Variants in BECN1 observed in about 807,000 individuals in gnomAD.
The protein encoded by BECN1 is beclin 1.
A neutral mutation model predicts 60.1 loss-of-function variants in BECN1; 15 were observed. The observed-to-expected ratio is 0.25, with a 90% CI of 0.17 to 0.38. BECN1 has a LOEUF of 0.38. BECN1 is among the 10% of genes least tolerant of loss of function. The pLI is 1.00. For missense variants in BECN1, 424 were observed against 548.2 expected (o/e 0.77, Z 2.26); for synonymous variants, 179 against 201.8 (o/e 0.89, Z 0.96).
chr17:42,820,623 G>T, intron 3 of BECN1, 151 bp downstream of exon 3: 1 of 663,964 alleles, frequency 1.5e-6, no homozygotes, highest in Non-Finnish European at 2.6e-6. Flanking sequence ...CATGTAGAAT[G>T]TCTCATTACC....
At position 42,823,894 on chromosome 17, in the gene BECN1, A is replaced by G; in HGVS notation, c.-2-15T>C. 6.2e-7 allele frequency: 1 copy of G among 1,611,740 alleles called. No individual in the cohort carries two copies. The highest frequency in any genetic ancestry group is 8.5e-7 in the Non-Finnish European group (1 of 1,178,294). Reference sequence around the variant, plus strand: ...CCCTTCCATCCCTGAGGCCGTGGAAAAGAGGCAACATTAGGGAGAAGCGAC... The same window carrying G: ...CCCTTCCATCCCTGAGGCCGTGGAAGAGAGGCAACATTAGGGAGAAGCGAC... On this transcript the variant is annotated splice_polypyrimidine_tract_variant and intron_variant, in intron 1 of 11. Transcript: ENST00000590099.
At chr17:42,813,743 C>A in intron 10 of BECN1, 1 of 446,658 alleles carries the variant, frequency 2.2e-6, no homozygotes, top group Non-Finnish European at 4.0e-6. Context: ...GCCCATATCC[C>A]TTCTCAACAG....
intron 4 of BECN1, 68 bp downstream of exon 4, chr17:42,819,480 G>A (rs574918578): frequency 1.4e-4 from 212 of 1,549,722 alleles, no homozygotes; most frequent in South Asian, 1.8e-4. Flanking sequence ...TCCAGGTCTC[G>A]ATTCCTGGAT....
chr17:42,814,461 C>T (rs1486679556), intron 9 of BECN1, 63 bp downstream of exon 9: 9 of 1,598,192 alleles, frequency 5.6e-6, no homozygotes, highest in African/African-American at 2.7e-5. Flanking sequence ...ACAGCAGTAC[C>T]AGGTTGGAGA....
Position 42,811,674 on chromosome 17 carries a change from G to A in BECN1, c.1165C>T (p.Arg389Cys), listed in dbSNP as rs1312667287. The change falls in exon 11 of 12, where the codon CGT (arginine) becomes TGT (cysteine). Residue 389 changes from arginine (R) to cysteine (C), a missense_variant. Arg to Cys is a radical substitution (Grantham distance 180). Around this residue, in one of 3 missense-constraint regions of BECN1, gnomAD observed 326 missense variants for 406.2 expected, o/e 0.80. Coordinates refer to ENST00000590099, the MANE Select transcript of BECN1 (RefSeq NM_001313998.2). Reference protein sequence around the residue: ...FKEEVEKGETRFCLPYRMDVE... With the variant: ...FKEEVEKGETCFCLPYRMDVE... ...ACTGACCTGTAGGGAAGACAAAAAC[G>A]TGTCTCGCCTTTCTCAACCTCTTCT... is the stretch of plus-strand genomic sequence containing the variant. 6.8e-6 allele frequency: 11 copies of A among 1,613,938 alleles called. No homozygotes were observed. Among genetic ancestry groups the A allele is most frequent in the Non-Finnish European group, 9.3e-6 (11 of 1,179,986 alleles).
intron 11 of BECN1, chr17:42,811,240 G>T: frequency 3.3e-6 from 1 of 307,016 alleles, no homozygotes; most frequent in Non-Finnish European, 5.9e-6. Flanking sequence ...GGGGGAGAAA[G>T]GAGGCAGAAG....
At position 42,810,623 on chromosome 17, in the gene BECN1, G is replaced by A; in HGVS notation, c.*137C>T. The stretch of plus-strand genomic sequence containing the variant: ...CTGTCACATGATATTTTAAAATAAA[G>A]TGGCTTTTGTGGATTTTTTCTTTTT... On this transcript the variant is annotated 3_prime_UTR_variant, in exon 12 of 12. Transcript: ENST00000590099. The A allele has an allele frequency of 1.1e-6, 1 of 872,924 alleles. No homozygotes were observed. The highest frequency in any genetic ancestry group is 3.5e-5 in the Admixed American group (1 of 28,606). The allele number at this position is 872,924 out of a possible 1,614,324, so 54.1% of individuals were successfully genotyped here.
At chr17:42,819,112 G>A in intron 4 of BECN1, 1 of 547,946 alleles carries the variant, frequency 1.8e-6, no homozygotes, top group South Asian at 2.7e-5. Context: ...GAGGGAGAGG[G>A]AGCATAAAAA....
At chr17:42,820,034 C>G (rs1339928222) in intron 3 of BECN1, among the ~76,000 whole-genome samples, 1 of 152,134 alleles carries the variant, frequency 6.6e-6, no homozygotes, top group Non-Finnish European at 1.5e-5. Flanking sequence ...TCATATGTGA[C>G]CAAAATCTCA....
chr17:42,823,609 CAG>C lies in BECN1; in HGVS notation c.130+137_130+138del, dbSNP rs2055319749. 3 of 1,245,014 alleles carry C rather than the reference CAG, an allele frequency of 2.4e-6. No homozygotes were observed. The South Asian group carries it at 4.6e-5, about 19-fold the overall frequency. The allele number at this position is 1,245,014 out of a possible 1,614,324, so 77.1% of individuals were successfully genotyped here. A position where few individuals can be genotyped will look rare whatever the true frequency, so the allele number is the denominator to read the frequency against. On this transcript the variant is annotated intron_variant, in intron 2 of 11. Transcript: ENST00000590099. Reference sequence around the variant, plus strand: ...ATGCTTTATGTTTCCAAGGAGAAAACAGGGAGCCAGATGAAGTGACTTTCCTA... The same window carrying C: ...ATGCTTTATGTTTCCAAGGAGAAAACGGAGCCAGATGAAGTGACTTTCCTA...
rs568557711 is a variant in BECN1, at chr17:42,811,585, T to C, written c.1184+70A>G. 96 of 1,548,578 alleles carry C rather than the reference T, an allele frequency of 6.2e-5. No homozygotes were observed. In the Middle Eastern group the frequency reaches 1.6e-3, roughly 25 times the overall value. On this transcript the variant is annotated intron_variant, in intron 11 of 11. Transcript: ENST00000590099. ...CACCATTTATACTGTTTTGCCTCCATTATTACTGCTGCTTCAATTCTGTTC... is the reference window on the plus strand; with the variant it reads ...CACCATTTATACTGTTTTGCCTCCACTATTACTGCTGCTTCAATTCTGTTC...
chr17:42,823,995 G>T, intron 1 of BECN1, 116 bp from the exon 2 acceptor site: 1 of 1,326,512 alleles, frequency 7.5e-7, no homozygotes, highest in Non-Finnish European at 1.0e-6. Context: ...AACCTGCGCC[G>T]TTCCCTCTAG....
At chr17:42,814,401 G>A in intron 9 of BECN1, 123 bp downstream of exon 9, 1 of 1,339,342 alleles carries the variant, frequency 7.5e-7, no homozygotes. Flanking sequence ...CAGCTCTTCA[G>A]CCACAGAAAA....
At chr17:42,814,091 C>T in intron 9 of BECN1, 83 bp from the exon 10 acceptor site, 2 of 978,574 alleles carry the variant, frequency 2.0e-6, no homozygotes, top group South Asian at 3.2e-5. Flanking sequence ...TGATTTCACT[C>T]TTCATTCTGG....
In BECN1 at chr17:42,813,983, G is replaced by C; in HGVS notation, c.1006C>G (p.His336Asp). Residue 336 changes from histidine (H) to aspartate (D), a missense_variant, in exon 10 of 12, where the codon CAT becomes GAT. Around this residue, in one of 3 missense-constraint regions of BECN1, gnomAD observed 326 missense variants for 406.2 expected, o/e 0.80. Coordinates refer to ENST00000590099, the MANE Select transcript of BECN1 (RefSeq NM_001313998.2). ...TCTGTCAGAGACTCCAGATATGAAT[G>C]GTTTCCGTAAGGAACAAGTCGGTAT... ...QRYRLVPYGN[H>D]SYLESLTDKS... 1.2e-6 allele frequency: 2 copies of C among 1,606,086 alleles called. No homozygotes were observed. The highest frequency in any genetic ancestry group is 1.7e-6 in the Non-Finnish European group (2 of 1,174,416).
intron 11 of BECN1, 153 bp from the exon 12 acceptor site, chr17:42,811,081 C>T: frequency 1.3e-6 from 1 of 758,112 alleles, no homozygotes; most frequent in Non-Finnish European, 2.0e-6. Context: ...GCTTGAAAGC[C>T]AAAAATCAAG....
intron 9 of BECN1, 103 bp downstream of exon 9, chr17:42,814,421 T>TGTGGGCAGCAAGGGCTCCTGACATG: frequency 6.7e-7 from 1 of 1,499,058 alleles, no homozygotes; most frequent in African/African-American, 1.4e-5. Flanking sequence ...ACTCCCAGTC[T>TGTGGGCAGCAAGGGCTCCTGACATG]GTGGGCAGCA....
chr17:42,815,007 A>T (rs1453736339), intron 8 of BECN1: 1 of 294,454 alleles, frequency 3.4e-6, no homozygotes, highest in Non-Finnish European at 6.5e-6. Context: ...TTAGATTCCT[A>T]CTGATGAGTA....
intron 8 of BECN1, among the ~76,000 whole-genome samples, chr17:42,815,275 C>G (rs955080789): frequency 1.3e-5 from 2 of 151,710 alleles, no homozygotes; most frequent in Non-Finnish European, 2.9e-5. Flanking sequence ...TTTCTGTTCT[C>G]TGAATTCACC....
Sources: allele counts gnomAD v4.1 joint callset (sites outside exome capture counted in the v4.1 genomes callset), GRCh38; gene constraint gnomAD v4.1.1; regional missense constraint gnomAD v4.1.1; transcripts MANE v1.5; gene names NCBI Gene and HGNC (gene_info 2026-07-23, HGNC 2026-07-21).